TSPAN16: variants seen among roughly 807,000 people sequenced by gnomAD.
TSPAN16 encodes the protein tetraspanin-16.
In TSPAN16, 23 loss-of-function variants were observed where a neutral mutation model predicts 25.2. The observed-to-expected ratio is 0.91, with a 90% CI of 0.66 to 1.29. The LOEUF (loss-of-function observed/expected upper bound fraction) is 1.29. TSPAN16 is among the 50% of genes most tolerant of loss of function. TSPAN16 has a pLI of 0.00. For synonymous variants in TSPAN16, 123 were observed against 124.4 expected (o/e 0.99, Z 0.08); for missense variants, 272 against 299.9 (o/e 0.91, Z 0.69).
chr19:11,314,854 G>A (rs373965968), intron 6 of TSPAN16, among the ~76,000 whole-genome samples: 2 of 152,108 alleles, frequency 1.3e-5, no homozygotes, highest in South Asian at 2.1e-4. Context: ...GTCTTCTCCC[G>A]GTGCTTCCTA....
intron 5 of TSPAN16, among the ~76,000 whole-genome samples, chr19:11,308,872 G>T (rs1267550422): frequency 2.0e-5 from 3 of 152,042 alleles, no homozygotes; most frequent in Admixed American, 6.6e-5. Context: ...GCCTCCCAAA[G>T]TGCTAGGATT....
chr19:11,298,294 C>T lies in TSPAN16; in HGVS notation c.222C>T (p.Ala74=), dbSNP rs994796850. The T allele has an allele frequency of 1.4e-5, 23 of 1,613,924 alleles. No individual in the cohort carries two copies. Among genetic ancestry groups the T allele is most frequent in the Middle Eastern group, 1.6e-4 (1 of 6,074 alleles). ...MGCITVLLGC[A]GWYGATKESR... ...GCATCACGGTACTGCTTGGCTGTGCCGGGTGGTATGGAGCGACTAAAGAGA... is the reference window on the plus strand; with the variant it reads ...GCATCACGGTACTGCTTGGCTGTGCTGGGTGGTATGGAGCGACTAAAGAGA... The change falls in exon 2 of 7, where the codon GCC becomes GCT. Residue 74 remains alanine, a synonymous_variant. Coordinates refer to ENST00000590327, the MANE Select transcript of TSPAN16 (RefSeq NM_001282509.2).
chr19:11,310,588 C>A (rs552196081), intron 5 of TSPAN16, among the ~76,000 whole-genome samples: 1 of 151,520 alleles, frequency 6.6e-6, no homozygotes, highest in East Asian at 1.9e-4. Flanking sequence ...CCTGCCAACG[C>A]ACTTTGCCTG....
At chr19:11,309,493 C>T (rs1054149516) in intron 5 of TSPAN16, among the ~76,000 whole-genome samples, 19 of 152,236 alleles carry the variant, frequency 1.2e-4, no homozygotes, top group Non-Finnish European at 2.9e-5. Context: ...CGCCTTTGCA[C>T]AGGCTTTCCC....
intron 1 of TSPAN16, 52 bp from the exon 2 acceptor site, chr19:11,298,090 T>A (rs2080498994): frequency 6.3e-7 from 1 of 1,587,480 alleles, no homozygotes; most frequent in Non-Finnish European, 8.6e-7. Flanking sequence ...CCAGTTCTAT[T>A]TGTATACAAC....
intron 5 of TSPAN16, among the ~76,000 whole-genome samples, chr19:11,307,063 C>T (rs537754531): frequency 6.6e-6 from 1 of 151,898 alleles, no homozygotes; most frequent in Admixed American, 6.6e-5. Flanking sequence ...CCACCTTGGC[C>T]TCCCAAAGTG....
chr19:11,322,105 G>GAGT (rs1464407557), intron 6 of TSPAN16: 5 of 152,152 alleles, frequency 3.3e-5, no homozygotes, highest in South Asian at 2.1e-4. Context: ...TTGTTGAGAA[G>GAGT]AGTACATCTT....
downstream of TSPAN16, among the ~76,000 whole-genome samples, chr19:11,318,984 CAT>C (rs745386300): frequency 1.5e-3 from 229 of 152,342 alleles, no homozygotes; most frequent in African/African-American, 4.5e-3. Context: ...TGACACCAAA[CAT>C]GTGGGGTTTT....
At chr19:11,309,217 C>CA (rs112897054) in intron 5 of TSPAN16, among the ~76,000 whole-genome samples, 1,533 of 106,678 alleles carry the variant, frequency 0.014, 16 homozygotes, top group African/African-American at 0.036. Context: ...CTAAAATAGA[C>CA]AAAAAAAAAA....
intron 1 of TSPAN16, among the ~76,000 whole-genome samples, chr19:11,297,830 C>T (rs1305102440): frequency 6.6e-6 from 1 of 152,030 alleles, no homozygotes; most frequent in Non-Finnish European, 1.5e-5. Context: ...CTTGATCTGT[C>T]ATCCAGGCTG....
At chr19:11,303,115 G>C (rs911540955) in intron 4 of TSPAN16, among the ~76,000 whole-genome samples, 1 of 149,990 alleles carries the variant, frequency 6.7e-6, no homozygotes, top group African/African-American at 2.5e-5. Context: ...GGAATAGAAA[G>C]GGGGGAAAGG....
At chr19:11,310,118 T>G (rs2080673914) in intron 5 of TSPAN16, among the ~76,000 whole-genome samples, 1 of 150,790 alleles carries the variant, frequency 6.6e-6, no homozygotes, top group Admixed American at 6.6e-5. Flanking sequence ...AAAAAAAAAC[T>G]ATTATGTGAA....
chr19:11,304,089 T>G (rs577538997), intron 4 of TSPAN16, among the ~76,000 whole-genome samples: 1 of 151,738 alleles, frequency 6.6e-6, no homozygotes, highest in East Asian at 1.9e-4. Flanking sequence ...GCCAATTTTC[T>G]GTTATTTTGA....
intron 6 of TSPAN16, chr19:11,324,181 C>T (rs2080797492): frequency 6.6e-6 from 1 of 152,200 alleles, no homozygotes; most frequent in Non-Finnish European, 1.5e-5. Context: ...AGAAGTGACC[C>T]CTAGTTTGAG....
In TSPAN16 at chr19:11,303,514, C is replaced by T. The variant is rs1242375372; in HGVS notation, c.450+2206C>T. ...CCTCCACTATTGTCCTATGACCCTG[C>T]CAAATCCCCCTCTGTGAGAAACACC... On this transcript the variant is annotated intron_variant, in intron 4 of 6. Coordinates refer to ENST00000590327, the MANE Select transcript of TSPAN16 (RefSeq NM_001282509.2). Among the ~76,000 whole-genome samples the T allele has an allele frequency of 3.0e-5, 4 of 134,972 alleles. No homozygotes were observed. In the East Asian group the frequency reaches 6.2e-4, roughly 21 times the overall value. 88.5% of individuals were successfully genotyped at this position (134,972 alleles called of 152,430 possible). A position where few individuals can be genotyped will look rare whatever the true frequency, so the allele number is the denominator to read the frequency against.
chr19:11,326,374 C>T (rs1568299273), intron 6 of TSPAN16, among the ~76,000 whole-genome samples: 1 of 152,142 alleles, frequency 6.6e-6, no homozygotes, highest in Admixed American at 6.5e-5. Context: ...GAGCAAGACC[C>T]TGTCTCAAAA....
downstream of TSPAN16, among the ~76,000 whole-genome samples, chr19:11,319,333 C>T (rs961312611): frequency 2.0e-5 from 3 of 152,172 alleles, no homozygotes; most frequent in South Asian, 2.1e-4. Flanking sequence ...GGCGCAGTGG[C>T]TTATGCCTGT....
chr19:11,315,974 G>A, downstream of TSPAN16: 2 of 1,226,710 alleles, frequency 1.6e-6, no homozygotes, highest in Non-Finnish European at 2.0e-6. Context: ...CCCCTGTCCA[G>A]CCTGACTTCT....
At chr19:11,316,840 T>C (rs2080752231), downstream of TSPAN16, among the ~76,000 whole-genome samples, 1 of 148,172 alleles carries the variant, frequency 6.7e-6, no homozygotes, top group South Asian at 2.2e-4. Flanking sequence ...GATGGAGTCT[T>C]GTTCTGTCAC....
Sources: allele counts gnomAD v4.1 joint callset (sites outside exome capture counted in the v4.1 genomes callset), GRCh38; gene constraint gnomAD v4.1.1; transcripts MANE v1.5; gene names NCBI Gene and HGNC (gene_info 2026-07-23, HGNC 2026-07-21).